TOMM22: variants seen among roughly 807,000 people sequenced by gnomAD.
The protein encoded by TOMM22 is mitochondrial import receptor subunit TOM22 homolog.
Under a neutral mutation model 17.1 loss-of-function variants are expected in TOMM22, and 3 were observed. The ratio of observed to expected loss-of-function variants is 0.18; its 90% CI spans 0.08 to 0.45. The LOEUF is 0.45. TOMM22 is among the 20% of genes least tolerant of loss of function. The pLI is 0.99. For missense variants in TOMM22, 159 were observed against 179.5 expected (o/e 0.89, Z 0.65); for synonymous variants, 91 against 74.0 (o/e 1.23, Z -1.18).
At position 38,683,939 on chromosome 22, in the gene TOMM22, C is replaced by A; in HGVS notation, c.*98C>A. 1 of 1,042,376 alleles carries A rather than the reference C, an allele frequency of 9.6e-7. No individual in the cohort carries two copies. The highest frequency in any genetic ancestry group is 1.4e-6 in the Non-Finnish European group (1 of 694,338). The allele number at this position is 1,042,376 out of a possible 1,614,324, so 64.6% of individuals were successfully genotyped here. Reference sequence around the variant, plus strand: ...GATTTTTTTTTTTTTTTAACTTTGGCACATTGATCTATCTAAACCTGGTGG... The same window carrying A: ...GATTTTTTTTTTTTTTTAACTTTGGAACATTGATCTATCTAAACCTGGTGG... On this transcript the variant is annotated 3_prime_UTR_variant, in exon 4 of 4. Transcript: ENST00000216034.
At position 38,682,315 on chromosome 22, in the gene TOMM22, C is replaced by T. The variant is rs747200550; in HGVS notation, c.118-8C>T. ...TTTCGGCTAAGACCCGCGTCTACTCCACCACAGCTAGATGAGACCCTGTCG... is the reference window on the plus strand; with the variant it reads ...TTTCGGCTAAGACCCGCGTCTACTCTACCACAGCTAGATGAGACCCTGTCG... On this transcript the variant is annotated splice_polypyrimidine_tract_variant and splice_region_variant and intron_variant, in intron 1 of 3. Transcript: ENST00000216034. 12 of 1,612,340 alleles carry T rather than the reference C, an allele frequency of 7.4e-6. 1 individual carries two copies. Among genetic ancestry groups the T allele is most frequent in the Non-Finnish European group, 7.6e-6 (9 of 1,178,554 alleles).
At chr22:38,682,293 C>G in intron 1 of TOMM22, 30 bp from the exon 2 acceptor site, 1 of 1,604,372 alleles carries the variant, frequency 6.2e-7, no homozygotes, top group Non-Finnish European at 8.5e-7. Flanking sequence ...GTCGCTTTTT[C>G]GGCTAAGACC....
At chr22:38,683,657 T>C in intron 3 of TOMM22, 110 bp from the exon 4 acceptor site, 1 of 793,016 alleles carries the variant, frequency 1.3e-6, no homozygotes. Context: ...CTTTTAGTTG[T>C]CTGACTGTGC....
At chr22:38,682,242 G>C in intron 1 of TOMM22, 81 bp from the exon 2 acceptor site, 1 of 1,538,098 alleles carries the variant, frequency 6.5e-7, no homozygotes, top group Non-Finnish European at 8.9e-7. Context: ...CTCCAGTGGG[G>C]CTCGGCGGCT....
At chr22:38,682,163 C>T in intron 1 of TOMM22, 68 bp downstream of exon 1, 2 of 1,519,856 alleles carry the variant, frequency 1.3e-6, no homozygotes, top group Non-Finnish European at 1.8e-6. Context: ...CCGCGTGGTA[C>T]GGGATCGGAG....
rs767473473 is a variant in TOMM22, at chr22:38,683,004, C to G, written c.354+8C>G. 6.2e-7 allele frequency: 1 copy of G among 1,612,818 alleles called. No homozygotes were observed. Among genetic ancestry groups the G allele is most frequent in the Middle Eastern group, 1.7e-4 (1 of 6,010 alleles). On this transcript the variant is annotated splice_region_variant and intron_variant, in intron 3 of 3. Coordinates refer to ENST00000216034, the MANE Select transcript of TOMM22 (RefSeq NM_020243.5). ...CAACTGCAGCAGCGGCAGGTGAGCCCAGACCTTGGGCTTTTTGCCAGTGGT... is the reference window on the plus strand; with the variant it reads ...CAACTGCAGCAGCGGCAGGTGAGCCGAGACCTTGGGCTTTTTGCCAGTGGT...
Position 38,684,189 on chromosome 22 carries a change from C to A in TOMM22, c.*348C>A. ...CCAGTGGGAGGGATGTGCCCCTGAC[C>A]ATTAACGACTGTTTTTTTTTTTTTT... On this transcript the variant is annotated 3_prime_UTR_variant, in exon 4 of 4. Transcript: ENST00000216034. 24 of 229,774 alleles carry A rather than the reference C, an allele frequency of 1.0e-4. No individual in the cohort carries two copies. Among genetic ancestry groups the A allele is most frequent in the Non-Finnish European group, 1.6e-4 (19 of 116,180 alleles). 14.2% of individuals were successfully genotyped at this position (229,774 alleles called of 1,614,324 possible).
intron 1 of TOMM22, 36 bp from the exon 2 acceptor site, chr22:38,682,287 C>T: frequency 6.2e-7 from 1 of 1,604,258 alleles, no homozygotes; most frequent in East Asian, 2.2e-5. Context: ...ATGGATGTCG[C>T]TTTTTCGGCT....
intron 3 of TOMM22, among the ~76,000 whole-genome samples, chr22:38,683,208 T>C (rs182252920): frequency 6.6e-6 from 1 of 152,066 alleles, no homozygotes; most frequent in East Asian, 1.9e-4. Context: ...TATTATTACA[T>C]TGTAATATAT....
chr22:38,682,572 C>T, intron 2 of TOMM22, 131 bp downstream of exon 2: 6 of 790,016 alleles, frequency 7.6e-6, no homozygotes, highest in South Asian at 3.3e-5. Flanking sequence ...TTCTTAGTTT[C>T]CTCTTCTGTA....
Position 38,683,953 on chromosome 22 carries a change from T to A in TOMM22, c.*112T>A. Reference sequence around the variant, plus strand: ...TTTAACTTTGGCACATTGATCTATCTAAACCTGGTGGGGAGAATTATCCCC... The same window carrying A: ...TTTAACTTTGGCACATTGATCTATCAAAACCTGGTGGGGAGAATTATCCCC... On this transcript the variant is annotated 3_prime_UTR_variant, in exon 4 of 4. Transcript: ENST00000216034. 1 of 893,192 alleles carries A rather than the reference T, an allele frequency of 1.1e-6. No individual in the cohort carries two copies. Among genetic ancestry groups the A allele is most frequent in the Non-Finnish European group, 1.7e-6 (1 of 572,498 alleles). 55.3% of individuals were successfully genotyped at this position (893,192 alleles called of 1,614,324 possible).
rs2145797251 is a variant in TOMM22 at position 38,684,743 on chromosome 22, T to C, written c.*902T>C. 6.6e-6 allele frequency: 1 copy of C among 152,022 alleles called. No individual in the cohort carries two copies. The highest frequency in any genetic ancestry group is 1.9e-4 in the East Asian group (1 of 5,174). The allele number at this position is 152,022 out of a possible 1,614,324, so 9.4% of individuals were successfully genotyped here. On this transcript the variant is annotated 3_prime_UTR_variant, in exon 4 of 4. Transcript: ENST00000216034. ...AGTCTATAATGACACTGTGTAATTA[T>C]AAAGTATTTGTAGGGAATAACATAG... is the stretch of plus-strand genomic sequence containing the variant.
At chr22:38,682,553 C>T (rs985821813) in intron 2 of TOMM22, 112 bp downstream of exon 2, 4 of 917,716 alleles carry the variant, frequency 4.4e-6, no homozygotes, top group Non-Finnish European at 6.9e-6. Flanking sequence ...TGGGCTTGTA[C>T]CCTATCCTTT....
intron 3 of TOMM22, 118 bp from the exon 4 acceptor site, chr22:38,683,647 CTT>C: frequency 1.4e-6 from 1 of 735,462 alleles, no homozygotes; most frequent in South Asian, 1.7e-5. Context: ...GGCCCATGCT[CTT>C]TTAGTTGTCT....
rs144614555 is a variant in TOMM22 at position 38,682,432 on chromosome 22, A to G, written c.227A>G (p.Lys76Arg). ...TFDLSLFVAQ[K>R]MYRFSRAALW... ...GATCTTTCCCTCTTTGTGGCTCAGAAAATGTACAGGTAAGGAACGAGGGCA... is the reference window on the plus strand; with the variant it reads ...GATCTTTCCCTCTTTGTGGCTCAGAGAATGTACAGGTAAGGAACGAGGGCA... The change falls in exon 2 of 4, where the codon AAA becomes AGA. Residue 76 changes from lysine to arginine, a missense_variant. Physicochemically the swap from Lys to Arg is conservative, Grantham distance 26. Coordinates refer to ENST00000216034, the MANE Select transcript of TOMM22 (RefSeq NM_020243.5). 2.0e-4 allele frequency: 317 copies of G among 1,614,000 alleles called. No homozygotes were observed. The highest frequency in any genetic ancestry group is 3.2e-4 in the South Asian group (29 of 91,084).
At position 38,682,378 on chromosome 22, in the gene TOMM22, G is replaced by T. The variant is rs904598064; in HGVS notation, c.173G>T (p.Arg58Met). 9 of 1,614,208 alleles carry T rather than the reference G, an allele frequency of 5.6e-6. No individual in the cohort carries two copies. Among genetic ancestry groups the T allele is most frequent in the Non-Finnish European group, 7.6e-6 (9 of 1,180,038 alleles). The change falls in exon 2 of 4, where the codon AGG becomes ATG. Residue 58 changes from arginine to methionine, a missense_variant. Around this residue, in one of 3 missense-constraint regions of TOMM22, gnomAD observed 107 missense variants for 100.2 expected, o/e 1.07. Transcript: ENST00000216034. ...GGCCTGACGGAGATGTTTCCGGAGA[G>T]GGTCCGGTCCGCGGCCGGAGCCACT... ...LWGLTEMFPE[R>M]VRSAAGATFD...
At position 38,682,763 on chromosome 22, in the gene TOMM22, A is replaced by G; in HGVS notation, c.237-116A>G. On this transcript the variant is annotated intron_variant, in intron 2 of 3. Coordinates refer to ENST00000216034, the MANE Select transcript of TOMM22 (RefSeq NM_020243.5). Reference sequence around the variant, plus strand: ...GGAGTATGGTGTAAGGAGCGGGTAGAATACGTTTATCAAAAACATTGGAGT... The same window carrying G: ...GGAGTATGGTGTAAGGAGCGGGTAGGATACGTTTATCAAAAACATTGGAGT... 12 of 883,630 alleles carry G rather than the reference A, an allele frequency of 1.4e-5. No individual in the cohort carries two copies. The South Asian group carries it at 1.7e-4, about 13-fold the overall frequency. 54.7% of individuals were successfully genotyped at this position (883,630 alleles called of 1,614,324 possible).
rs2092489435 is a variant in TOMM22, at chr22:38,684,317, TGA to T, written c.*480_*481del. On this transcript the variant is annotated 3_prime_UTR_variant, in exon 4 of 4. Transcript: ENST00000216034. ...AGTGGCCACTATGAATCCCTATGTA[TGA>T]GAGGAGGGAGGCAGGCTGCAGCTTC... 2 of 154,966 alleles carry T rather than the reference TGA, an allele frequency of 1.3e-5. No homozygotes were observed. The highest frequency in any genetic ancestry group is 2.0e-4 in the South Asian group (1 of 5,096). 9.6% of individuals were successfully genotyped at this position (154,966 alleles called of 1,614,324 possible).
chr22:38,683,848 A>G lies in TOMM22; in HGVS notation c.*7A>G, dbSNP rs750854244. 2.5e-6 allele frequency: 4 copies of G among 1,612,624 alleles called. No individual in the cohort carries two copies. Among genetic ancestry groups the G allele is most frequent in the Non-Finnish European group, 3.4e-6 (4 of 1,179,256 alleles). On this transcript the variant is annotated 3_prime_UTR_variant, in exon 4 of 4. Transcript: ENST00000216034. ...ACTTCCTGGAAAGATCTAGATTGTT[A>G]TTGCTGTTTGAGCTGTCTCAGTGGG... is the stretch of plus-strand genomic sequence containing the variant.
Sources: allele counts gnomAD v4.1 joint callset (sites outside exome capture counted in the v4.1 genomes callset), GRCh38; gene constraint gnomAD v4.1.1; regional missense constraint gnomAD v4.1.1; transcripts MANE v1.5; gene names NCBI Gene and HGNC (gene_info 2026-07-23, HGNC 2026-07-21).